ZDHHC14: variants seen among roughly 807,000 people sequenced by gnomAD.
ZDHHC14 encodes the protein zDHHC palmitoyltransferase 14.
In ZDHHC14, 16 loss-of-function variants were observed where a neutral mutation model predicts 47.7. The observed-to-expected ratio is 0.34, with a 90% CI of 0.23 to 0.51. The LOEUF (loss-of-function observed/expected upper bound fraction) is 0.51, where lower values mean the gene tolerates loss of function less well. Among genes scored for constraint, ZDHHC14 ranks in the 20% least tolerant of loss-of-function variants. The pLI, the probability that ZDHHC14 is intolerant of heterozygous loss-of-function variation, is 0.97. For synonymous variants in ZDHHC14, 293 were observed against 278.9 expected, an observed-to-expected ratio of 1.05 and a Z score of -0.50; for missense variants, 515 against 662.5, an observed-to-expected ratio of 0.78 and a Z score of 2.44.
At chr6:157,661,440 G>C (rs1204757561) in intron 8 of ZDHHC14, among the ~76,000 whole-genome samples, 1 of 152,046 alleles carries the variant, frequency 6.6e-6, no homozygotes, top group East Asian at 1.9e-4. Flanking sequence ...TCCTTTCTCT[G>C]TGCCCACCTC....
intron 1 of ZDHHC14, among the ~76,000 whole-genome samples, chr6:157,397,835 G>A (rs1028368578): frequency 6.6e-6 from 1 of 152,206 alleles, no homozygotes; most frequent in Non-Finnish European, 1.5e-5. Context: ...GGAGGTGGGA[G>A]GGGATTATTT....
rs1039245043 is a variant in ZDHHC14 at position 157,678,082 on chromosome 6, G to A, written c.*4960G>A. ...TTTCATGTTTTAATCAATGTTTGCA[G>A]AATTTATCTTAAACCTGAGATGAAT... On this transcript the variant is annotated 3_prime_UTR_variant, in exon 9 of 9. Transcript: ENST00000359775. 1 of 152,176 alleles carries A rather than the reference G, an allele frequency of 6.6e-6. No homozygotes were observed. The highest frequency in any genetic ancestry group is 6.5e-5 in the Admixed American group (1 of 15,282). The allele number at this position is 152,176 out of a possible 1,614,324, so 9.4% of individuals were successfully genotyped here. A position where few individuals can be genotyped will look rare whatever the true frequency, so the allele number is the denominator to read the frequency against.
At chr6:157,532,170 C>T (rs894797063) in intron 1 of ZDHHC14, among the ~76,000 whole-genome samples, 1 of 152,244 alleles carries the variant, frequency 6.6e-6, no homozygotes, top group African/African-American at 2.4e-5. Context: ...GCCTGATGGC[C>T]CCAGGGCCTT....
At chr6:157,654,814 C>T (rs1346604801) in intron 8 of ZDHHC14, among the ~76,000 whole-genome samples, 1 of 151,830 alleles carries the variant, frequency 6.6e-6, no homozygotes, top group Non-Finnish European at 1.5e-5. Flanking sequence ...CAGCTCACTG[C>T]AACCTCTGCC....
chr6:157,480,370 C>A (rs144867683), intron 1 of ZDHHC14, among the ~76,000 whole-genome samples: 1 of 149,144 alleles, frequency 6.7e-6, no homozygotes, highest in Admixed American at 6.8e-5. Context: ...CGAGTTCAAG[C>A]GATTCTCCTG....
intron 2 of ZDHHC14, among the ~76,000 whole-genome samples, chr6:157,556,387 A>G (rs915495193): frequency 9.2e-5 from 14 of 152,134 alleles, no homozygotes; most frequent in African/African-American, 3.4e-4. Flanking sequence ...TGTGATTCCC[A>G]CTTTACAGCT....
chr6:157,612,079 C>T (rs1311533348), intron 3 of ZDHHC14, among the ~76,000 whole-genome samples: 1 of 152,224 alleles, frequency 6.6e-6, no homozygotes, highest in Non-Finnish European at 1.5e-5. Flanking sequence ...TCACAGGCTA[C>T]ACAGACGTGA....
intron 2 of ZDHHC14, among the ~76,000 whole-genome samples, chr6:157,562,450 T>G (rs995602449): frequency 6.6e-6 from 1 of 152,104 alleles, no homozygotes; most frequent in Non-Finnish European, 1.5e-5. Flanking sequence ...GGCCCCTCAT[T>G]TTCTGTTGGT....
chr6:157,460,241 T>G (rs746632510), intron 1 of ZDHHC14, among the ~76,000 whole-genome samples: 3 of 147,322 alleles, frequency 2.0e-5, no homozygotes, highest in Non-Finnish European at 3.0e-5. Context: ...CAAAACAAAA[T>G]GTAAAAAATT....
intron 5 of ZDHHC14, among the ~76,000 whole-genome samples, chr6:157,638,271 A>G (rs556300455): frequency 6.6e-6 from 1 of 152,338 alleles, no homozygotes; most frequent in South Asian, 2.1e-4. Flanking sequence ...CTTCTGGCTC[A>G]GAGTCCATAG....
intron 1 of ZDHHC14, among the ~76,000 whole-genome samples, chr6:157,425,495 A>G (rs962411428): frequency 2.6e-5 from 4 of 152,212 alleles, no homozygotes; most frequent in African/African-American, 9.7e-5. Flanking sequence ...AAGAACAATG[A>G]TAGCGGACAT....
At chr6:157,422,812 T>G (rs1223989138) in intron 1 of ZDHHC14, among the ~76,000 whole-genome samples, 3 of 152,212 alleles carry the variant, frequency 2.0e-5, no homozygotes, top group Non-Finnish European at 2.9e-5. Flanking sequence ...TTTGTACCTT[T>G]TTATTCTGTA....
intron 3 of ZDHHC14, among the ~76,000 whole-genome samples, chr6:157,620,410 A>G (rs1182718684): frequency 6.6e-6 from 1 of 152,222 alleles, no homozygotes; most frequent in Non-Finnish European, 1.5e-5. Flanking sequence ...TACAGTGTGG[A>G]TTAAGTTTCA....
chr6:157,503,874 G>C (rs1412704201), intron 1 of ZDHHC14, among the ~76,000 whole-genome samples: 1 of 152,130 alleles, frequency 6.6e-6, no homozygotes, highest in Non-Finnish European at 1.5e-5. Flanking sequence ...TAAGGCTCGT[G>C]GGAGTGTAAT....
chr6:157,626,824 G>A (rs1583037912), intron 3 of ZDHHC14, among the ~76,000 whole-genome samples: 2 of 149,390 alleles, frequency 1.3e-5, no homozygotes, highest in Non-Finnish European at 3.0e-5. Flanking sequence ...TGATACACCC[G>A]ATACACCTGT....
In ZDHHC14 at chr6:157,596,767, C is replaced by G. The variant is rs548895878; in HGVS notation, c.565+3621C>G. Among the ~76,000 whole-genome samples, 24 of 152,258 alleles carry G rather than the reference C, an allele frequency of 1.6e-4. No individual in the cohort carries two copies. In the South Asian group the frequency reaches 4.6e-3, roughly 29 times the overall value. On this transcript the variant is annotated intron_variant, in intron 3 of 8. Coordinates refer to ENST00000359775, the MANE Select transcript of ZDHHC14 (RefSeq NM_024630.3). ...GAAGATTAACTGAGATAGTGCCCAC[C>G]ACAGCACCCAGCACAGACAGACCTG...
At position 157,542,612 on chromosome 6, in the gene ZDHHC14, C is replaced by A; in HGVS notation, c.273C>A (p.Thr91=). Reference sequence around the variant, plus strand: ...GTCCGTACCTGGCGGTGAAAATCACCCCTGCCATCCCTGCAGTCGCTGGCA... The same window carrying A: ...GTCCGTACCTGGCGGTGAAAATCACACCTGCCATCCCTGCAGTCGCTGGCA... ...FDCPYLAVKI[T]PAIPAVAGIL... Residue 91 remains threonine (T), a synonymous_variant, in exon 2 of 9, where the codon ACC becomes ACA. Coordinates refer to ENST00000359775, the MANE Select transcript of ZDHHC14 (RefSeq NM_024630.3). 6.2e-7 allele frequency: 1 copy of A among 1,614,208 alleles called. No homozygotes were observed. The highest frequency in any genetic ancestry group is 8.5e-7 in the Non-Finnish European group (1 of 1,180,040).
chr6:157,429,579 AAGGG>A (rs71558298), intron 1 of ZDHHC14, among the ~76,000 whole-genome samples: 71 of 127,038 alleles, frequency 5.6e-4, no homozygotes, highest in African/African-American at 1.6e-3. Context: ...GGAAGGAAGG[AAGGG>A]AGGGAGGGAG....
chr6:157,428,974 T>C (rs183736077), intron 1 of ZDHHC14, among the ~76,000 whole-genome samples: 46 of 152,266 alleles, frequency 3.0e-4, no homozygotes, highest in African/African-American at 1.1e-3. Context: ...ATTCCTTCCC[T>C]TCAAGGGATG....
Sources: allele counts gnomAD v4.1 joint callset (sites outside exome capture counted in the v4.1 genomes callset), GRCh38; gene constraint gnomAD v4.1.1; transcripts MANE v1.5; gene names NCBI Gene and HGNC (gene_info 2026-07-23, HGNC 2026-07-21).